Variants in CREB5 observed in about 807,000 individuals in gnomAD.
The protein encoded by CREB5 is cyclic AMP-responsive element-binding protein 5.
Under a neutral mutation model 57.1 loss-of-function variants are expected in CREB5, and 19 were observed. The observed-to-expected ratio is 0.33, with a 90% CI of 0.23 to 0.49. The LOEUF is 0.49. Ranked by LOEUF, CREB5 falls within the 20% of genes least tolerant of loss-of-function variation. The pLI, the probability that CREB5 is intolerant of heterozygous loss-of-function variation, is 0.99. For missense variants in CREB5, 579 were observed against 671.6 expected (o/e 0.86, Z 1.52); for synonymous variants, 238 against 238.3 (o/e 1.00, Z 0.01).
At chr7:28,603,225 T>G (rs1052790191) in intron 5 of CREB5, among the ~76,000 whole-genome samples, 3 of 152,316 alleles carry the variant, frequency 2.0e-5, no homozygotes, top group African/African-American at 7.2e-5. Context: ...AACTGCATCC[T>G]ATCCCCAAAT....
intron 4 of CREB5, among the ~76,000 whole-genome samples, chr7:28,546,093 C>T (rs4719940): frequency 0.38 from 58,296 of 152,036 alleles, 12,517 homozygotes; most frequent in Non-Finnish European, 0.47. Context: ...CTTTCTGTAT[C>T]CATGGATTTG....
At chr7:28,679,326 G>A (rs1206907876) in intron 5 of CREB5, among the ~76,000 whole-genome samples, 1 of 152,138 alleles carries the variant, frequency 6.6e-6, no homozygotes, top group Non-Finnish European at 1.5e-5. Context: ...GCAAATGATG[G>A]TCAGCTTCTG....
At chr7:28,753,901 C>G (rs1431723105) in intron 7 of CREB5, among the ~76,000 whole-genome samples, 1 of 151,506 alleles carries the variant, frequency 6.6e-6, no homozygotes, top group East Asian at 1.9e-4. Flanking sequence ...GTTAACCCTA[C>G]CAGGGATACA....
chr7:28,385,402 C>T (rs1023757136), intron 1 of CREB5, among the ~76,000 whole-genome samples: 13 of 152,192 alleles, frequency 8.5e-5, no homozygotes, highest in Admixed American at 2.0e-4. Flanking sequence ...TGAGGCCAGG[C>T]GTGGTGGCTC....
chr7:28,306,568 T>TTTTTTTTTTTTTG (rs1785191302), intron 1 of CREB5, among the ~76,000 whole-genome samples: 7 of 132,716 alleles, frequency 5.3e-5, no homozygotes, highest in Non-Finnish European at 8.1e-5. Context: ...TTTTTTTTTT[T>TTTTTTTTTTTTTG]TTTTTTTTTT....
intron 7 of CREB5, among the ~76,000 whole-genome samples, chr7:28,781,425 A>G (rs1806965386): frequency 6.6e-6 from 1 of 152,208 alleles, no homozygotes; most frequent in African/African-American, 2.4e-5. Flanking sequence ...ATGATCTGGC[A>G]ATGTTTCCGT....
At chr7:28,656,090 G>A (rs1799322097) in intron 5 of CREB5, among the ~76,000 whole-genome samples, 1 of 152,162 alleles carries the variant, frequency 6.6e-6, no homozygotes, top group Admixed American at 6.5e-5. Flanking sequence ...ATGGAGATAC[G>A]TTTAGGTACT....
chr7:28,657,046 G>T (rs1799358898), intron 5 of CREB5, among the ~76,000 whole-genome samples: 1 of 152,152 alleles, frequency 6.6e-6, no homozygotes, highest in South Asian at 2.1e-4. Context: ...TTAGGTGCAT[G>T]TAATACTTTT....
intron 4 of CREB5, among the ~76,000 whole-genome samples, chr7:28,530,745 G>A (rs960037449): frequency 6.6e-6 from 1 of 152,126 alleles, no homozygotes; most frequent in Non-Finnish European, 1.5e-5. Context: ...AAGTAGAAGC[G>A]CAAGTGTGTC....
intron 5 of CREB5, among the ~76,000 whole-genome samples, chr7:28,575,709 C>T (rs549495484): frequency 2.6e-5 from 4 of 152,284 alleles, no homozygotes; most frequent in Non-Finnish European, 2.9e-5. Flanking sequence ...CTGAATATCA[C>T]GGCTATGAAC....
chr7:28,407,121 C>T (rs1248117498), intron 1 of CREB5, among the ~76,000 whole-genome samples: 1 of 151,942 alleles, frequency 6.6e-6, no homozygotes, highest in Non-Finnish European at 1.5e-5. Context: ...GTGATCTCAG[C>T]TCACTGCAAC....
At chr7:28,526,323 G>A (rs1268618684) in intron 4 of CREB5, among the ~76,000 whole-genome samples, 2 of 150,802 alleles carry the variant, frequency 1.3e-5, no homozygotes, top group East Asian at 2.0e-4. Flanking sequence ...AGGAAGGTTT[G>A]GCAGATGTTA....
chr7:28,755,305 G>A (rs1805236949), intron 7 of CREB5, among the ~76,000 whole-genome samples: 1 of 152,178 alleles, frequency 6.6e-6, no homozygotes, highest in East Asian at 1.9e-4. Context: ...TAAAGAGAAG[G>A]GTATTGGTGC....
chr7:28,552,725 A>G (rs1794721805), intron 4 of CREB5, among the ~76,000 whole-genome samples: 2 of 152,238 alleles, frequency 1.3e-5, no homozygotes, highest in African/African-American at 4.8e-5. Context: ...AGATGGGAAG[A>G]TGGAGAAAGA....
intron 4 of CREB5, among the ~76,000 whole-genome samples, chr7:28,536,230 C>T (rs1036907104): frequency 2.0e-5 from 3 of 152,186 alleles, no homozygotes; most frequent in African/African-American, 7.2e-5. Context: ...ATTTCAAAGT[C>T]ATAGAATAGT....
At chr7:28,595,643 CCTT>C (rs1796668026) in intron 5 of CREB5, among the ~76,000 whole-genome samples, 1 of 152,106 alleles carries the variant, frequency 6.6e-6, no homozygotes, top group African/African-American at 2.4e-5. Context: ...AAAAGAGGCC[CCTT>C]CTTTTTACTT....
chr7:28,645,341 G>A (rs1798849257), intron 5 of CREB5, among the ~76,000 whole-genome samples: 1 of 152,138 alleles, frequency 6.6e-6, no homozygotes, highest in Non-Finnish European at 1.5e-5. Flanking sequence ...TAAAACTACA[G>A]TTGTTCTGTG....
chr7:28,391,719 C>T (rs1787219694), intron 1 of CREB5, among the ~76,000 whole-genome samples: 2 of 152,224 alleles, frequency 1.3e-5, no homozygotes, highest in Non-Finnish European at 2.9e-5. Context: ...TGGTTCTTCT[C>T]ACCAAATATC....
chr7:28,676,984 G>A (rs1337034351), intron 5 of CREB5, among the ~76,000 whole-genome samples: 3 of 152,178 alleles, frequency 2.0e-5, no homozygotes, highest in Non-Finnish European at 4.4e-5. Flanking sequence ...TTATGTTACT[G>A]TGAACACAGA....
Sources: gnomAD v4.1 joint callset for allele counts (sites outside exome capture counted in the v4.1 genomes callset) on GRCh38, gnomAD v4.1.1 for gene constraint, MANE v1.5 for transcripts, NCBI Gene and HGNC (gene_info 2026-07-23, HGNC 2026-07-21) for gene names.